The following SPATA17 variants were observed in gnomAD, a reference collection of about 807,000 sequenced individuals.
The protein encoded by SPATA17 is spermatogenesis associated 17.
SPATA17 carries 53 observed loss-of-function variants against 62.2 expected under a neutral mutation model. The ratio of observed to expected loss-of-function variants is 0.85; its 90% confidence interval spans 0.68 to 1.07. The LOEUF is 1.07. Among genes scored for constraint, SPATA17 ranks in the 50% least tolerant of loss-of-function variants. The probability of loss-of-function intolerance (pLI) is 0.00; values close to 1 mark genes in which losing one functional copy is unlikely to be tolerated. For missense variants in SPATA17, 466 were observed against 425.5 expected, an observed-to-expected ratio of 1.10 and a Z score of -0.84; for synonymous variants, 146 against 146.8, an observed-to-expected ratio of 0.99 and a Z score of 0.04.
At chr1:217,693,084 A>C (rs1198983922) in intron 5 of SPATA17, among the ~76,000 whole-genome samples, 1 of 133,732 alleles carries the variant, frequency 7.5e-6, no homozygotes. Flanking sequence ...TCCTCCTTGT[A>C]CCTCTGGTAG....
Position 217,778,302 on chromosome 1 carries a change from TAC to T in SPATA17, c.723+3766_723+3767del, listed in dbSNP as rs1264913239. Among the ~76,000 whole-genome samples the T allele has an allele frequency of 2.0e-5, 3 of 152,128 alleles. No individual in the cohort carries two copies. The East Asian group carries it at 5.8e-4, about 29-fold the overall frequency. ...TACAGGCTGGAGTGGGTGGATCACC[TAC>T]GAGGTCAGGAGTTCGAGACCAGACT... On this transcript the variant is annotated intron_variant, in intron 7 of 10. Coordinates refer to ENST00000366933, the MANE Select transcript of SPATA17 (RefSeq NM_138796.4).
At chr1:217,707,106 C>T (rs554815495) in intron 5 of SPATA17, among the ~76,000 whole-genome samples, 4 of 152,088 alleles carry the variant, frequency 2.6e-5, no homozygotes, top group African/African-American at 7.2e-5. Flanking sequence ...ACCTCGTAAT[C>T]GGCCCACCTC....
intron 5 of SPATA17, among the ~76,000 whole-genome samples, chr1:217,693,254 T>G (rs1671382361): frequency 6.9e-6 from 1 of 144,212 alleles, no homozygotes; most frequent in African/African-American, 2.6e-5. Flanking sequence ...ATCCATTTCT[T>G]CTAGATTTTC....
intron 5 of SPATA17, among the ~76,000 whole-genome samples, chr1:217,697,637 AAGTTTCTTCTTTAATAGTTAAGATTT>A (rs1671490415): frequency 1.3e-5 from 2 of 152,172 alleles, no homozygotes; most frequent in African/African-American, 4.8e-5. Context: ...ATAGAGCTCA[AAGTTTCTTCTTTAATAGTTAAGATTT>A]TTAGATTTTC....
chr1:217,699,219 C>T (rs1321752551), intron 5 of SPATA17, among the ~76,000 whole-genome samples: 3 of 152,110 alleles, frequency 2.0e-5, no homozygotes, highest in Non-Finnish European at 4.4e-5. Context: ...GGAATAAATA[C>T]CCAAGGGTGC....
intron 1 of SPATA17, among the ~76,000 whole-genome samples, chr1:217,633,484 G>C (rs1478305944): frequency 6.6e-6 from 1 of 151,024 alleles, no homozygotes; most frequent in African/African-American, 2.4e-5. Context: ...AGTGGCTCAG[G>C]CCTGTAATCC....
chr1:217,773,525 T>C (rs1274649176), intron 6 of SPATA17, among the ~76,000 whole-genome samples: 1 of 152,180 alleles, frequency 6.6e-6, no homozygotes, highest in Non-Finnish European at 1.5e-5. Context: ...GCAGTTTGTA[T>C]ATTCAAACAA....
intron 6 of SPATA17, among the ~76,000 whole-genome samples, chr1:217,774,083 T>C (rs935779925): frequency 1.3e-5 from 2 of 152,214 alleles, no homozygotes; most frequent in Non-Finnish European, 2.9e-5. Context: ...GATAGGAACT[T>C]GAGCTCACTA....
intron 9 of SPATA17, among the ~76,000 whole-genome samples, chr1:217,839,115 T>G (rs1675331536): frequency 6.7e-6 from 1 of 149,038 alleles, no homozygotes; most frequent in African/African-American, 2.4e-5. Flanking sequence ...CTACTCAAAT[T>G]GATTGAGTAG....
At chr1:217,761,293 G>A (rs572707620) in intron 6 of SPATA17, among the ~76,000 whole-genome samples, 2 of 152,188 alleles carry the variant, frequency 1.3e-5, no homozygotes, top group South Asian at 2.1e-4. Context: ...GATGTCATAT[G>A]GGACTATTTA....
intron 6 of SPATA17, among the ~76,000 whole-genome samples, chr1:217,748,585 G>A (rs960825305): frequency 6.6e-6 from 1 of 150,850 alleles, no homozygotes; most frequent in Admixed American, 6.6e-5. Context: ...TCTATTGAAA[G>A]TATAAAAAAA....
chr1:217,647,018 T>A lies in SPATA17; in HGVS notation c.69-1864T>A, dbSNP rs188777715. On this transcript the variant is annotated intron_variant, in intron 1 of 10. Coordinates refer to ENST00000366933, the MANE Select transcript of SPATA17 (RefSeq NM_138796.4). Reference sequence around the variant, plus strand: ...ACCTTGGGCATATGACTATGCTTTCTCCACAGTGGTATCTTCTTCTGTCAA... The same window carrying A: ...ACCTTGGGCATATGACTATGCTTTCACCACAGTGGTATCTTCTTCTGTCAA... Among the ~76,000 whole-genome samples, 163 of 152,344 alleles carry A rather than the reference T, an allele frequency of 1.1e-3. 1 individual carries two copies. Among genetic ancestry groups the A allele is most frequent in the South Asian group, 3.7e-3 (18 of 4,830 alleles).
chr1:217,842,903 A>T (rs193068985), intron 9 of SPATA17, among the ~76,000 whole-genome samples: 1 of 151,888 alleles, frequency 6.6e-6, no homozygotes, highest in Non-Finnish European at 1.5e-5. Context: ...CCCTCAGAAC[A>T]TGTGCTTAGT....
intron 9 of SPATA17, among the ~76,000 whole-genome samples, chr1:217,844,293 A>C (rs1675476286): frequency 6.6e-6 from 1 of 152,140 alleles, no homozygotes; most frequent in African/African-American, 2.4e-5. Flanking sequence ...GAGGGAGACC[A>C]GGCACATCAC....
chr1:217,646,662 C>T (rs1207047359), intron 1 of SPATA17, among the ~76,000 whole-genome samples: 2 of 151,932 alleles, frequency 1.3e-5, no homozygotes, highest in African/African-American at 2.4e-5. Flanking sequence ...TTTGGGAGGC[C>T]GAGGTGGGTG....
chr1:217,639,417 C>T (rs532752445), intron 1 of SPATA17, among the ~76,000 whole-genome samples: 3 of 151,818 alleles, frequency 2.0e-5, no homozygotes, highest in South Asian at 2.1e-4. Flanking sequence ...CCCTACCTGA[C>T]GAAATGTACT....
intron 6 of SPATA17, among the ~76,000 whole-genome samples, chr1:217,757,919 G>A (rs1257766217): frequency 6.6e-6 from 1 of 152,130 alleles, no homozygotes; most frequent in Non-Finnish European, 1.5e-5. Flanking sequence ...AGTAATTAAT[G>A]TTTGAATACC....
chr1:217,775,371 C>G (rs1334998829), intron 7 of SPATA17, among the ~76,000 whole-genome samples: 1 of 152,100 alleles, frequency 6.6e-6, no homozygotes, highest in African/African-American at 2.4e-5. Flanking sequence ...TTCTCCCATT[C>G]TATGGGCTCC....
chr1:217,776,142 G>A (rs1673584036), intron 7 of SPATA17, among the ~76,000 whole-genome samples: 1 of 152,132 alleles, frequency 6.6e-6, no homozygotes, highest in Admixed American at 6.5e-5. Context: ...GTAGAGATGG[G>A]AAATCTTCCC....
Sources: gnomAD v4.1 joint callset for allele counts (sites outside exome capture counted in the v4.1 genomes callset) on GRCh38, gnomAD v4.1.1 for gene constraint, MANE v1.5 for transcripts, NCBI Gene and HGNC (gene_info 2026-07-23, HGNC 2026-07-21) for gene names.